The following NLRP7 variants were observed in gnomAD, a reference collection of about 807,000 sequenced individuals.
NLRP7 encodes NACHT, LRR and PYD domains-containing protein 7.
A neutral mutation model predicts 85.5 loss-of-function variants in NLRP7; 72 were observed. The observed-to-expected ratio is 0.84, with a 90% CI of 0.70 to 1.02. The LOEUF (loss-of-function observed/expected upper bound fraction) is 1.02. NLRP7 is among the 50% of genes least tolerant of loss of function. The probability of loss-of-function intolerance (pLI) is 0.00; values close to 1 mark genes in which losing one functional copy is unlikely to be tolerated. For missense variants in NLRP7, 1,243 were observed against 1,219.5 expected, an observed-to-expected ratio of 1.02 and a Z score of -0.29; for synonymous variants, 550 against 505.2, an observed-to-expected ratio of 1.09 and a Z score of -1.19.
At chr19:54,938,681 G>A (rs1415600468) in intron 4 of NLRP7, among the ~76,000 whole-genome samples, 4 of 152,224 alleles carry the variant, frequency 2.6e-5, no homozygotes, top group South Asian at 2.1e-4. Context: ...AGCCAAGATC[G>A]CGCCACTGCA....
Position 54,931,285 on chromosome 19 carries a change from G to A in NLRP7, c.2643-619C>T, listed in dbSNP as rs577870679. ...AAAAAATACAAAAATCGGGCCGGGC[G>A]CGGTGGCTCAAACCTGTAATCTCAG... On this transcript the variant is annotated intron_variant, in intron 8 of 9. Transcript: ENST00000340844. 6.6e-5 allele frequency among the ~76,000 whole-genome samples: 10 copies of A among 151,946 alleles called. No homozygotes were observed. The East Asian group carries it at 9.7e-4, about 15-fold the overall frequency.
Position 54,934,668 on chromosome 19 carries a change from A to G in NLRP7, c.2301-9T>C, listed in dbSNP as rs1175771931. On this transcript the variant is annotated splice_polypyrimidine_tract_variant and intron_variant, in intron 6 of 9. Coordinates refer to ENST00000340844, the Ensembl canonical transcript of NLRP7. The surrounding 1 kb of genome is among the most constrained non-coding windows in gnomAD (Gnocchi z 6.7). ...CACAGTGACCTCCCAACCTGTGAAA[A>G]GAGTGGGAAAAGTCATTCTTCTGGG... is the stretch of plus-strand genomic sequence containing the variant. 1.2e-6 allele frequency: 2 copies of G among 1,610,880 alleles called. No homozygotes were observed. The highest frequency in any genetic ancestry group is 4.5e-5 in the East Asian group (2 of 44,790).
At chr19:54,955,788 A>T (rs1234868135) in intron 1 of NLRP7, among the ~76,000 whole-genome samples, 1 of 152,056 alleles carries the variant, frequency 6.6e-6, no homozygotes, top group Admixed American at 6.6e-5. Flanking sequence ...CTGAGGTTGC[A>T]GTGAGCTGTG....
chr19:54,949,274 T>TAA (rs11414677), upstream of NLRP7, among the ~76,000 whole-genome samples: 17 of 132,000 alleles, frequency 1.3e-4, no homozygotes, highest in South Asian at 4.8e-4. Flanking sequence ...ACTCCATCTT[T>TAA]AAAAAAAAAA....
At chr19:54,931,386 A>G (rs1384564336) in intron 8 of NLRP7, among the ~76,000 whole-genome samples, 1 of 151,978 alleles carries the variant, frequency 6.6e-6, no homozygotes, top group East Asian at 1.9e-4. Flanking sequence ...GTGAAACCCC[A>G]TCTTTACTAA....
intron 1 of NLRP7, among the ~76,000 whole-genome samples, chr19:54,962,017 G>A (rs373148186): frequency 6.6e-6 from 1 of 150,444 alleles, no homozygotes; most frequent in Non-Finnish European, 1.5e-5. Context: ...TACAAAATTA[G>A]CCGGGCGTGG....
chr19:54,942,255 C>CAAAAAA (rs576434793), intron 1 of NLRP7, among the ~76,000 whole-genome samples: 2 of 59,438 alleles, frequency 3.4e-5, no homozygotes, highest in Admixed American at 2.6e-4. Flanking sequence ...GACTCCGTCT[C>CAAAAAA]AAAAAAAAAA....
intron 7 of NLRP7, 69 bp from the exon 8 acceptor site, chr19:54,933,808 TC>T: frequency 7.6e-7 from 1 of 1,313,162 alleles, no homozygotes; most frequent in Non-Finnish European, 1.1e-6. Context: ...CTCAGTGATG[TC>T]CACATGCTAG....
chr19:54,939,048 A>T, exon 4 of NLRP7: 1 of 1,614,190 alleles, frequency 6.2e-7, no homozygotes, highest in Non-Finnish European at 8.5e-7. Context: ...ATTTCCTTGA[A>T]CGGGGCCACC....
intron 1 of NLRP7, among the ~76,000 whole-genome samples, chr19:54,962,051 T>TACACAGGAGTCTGAGGCAGGAGAA (rs2070060020): frequency 6.9e-6 from 1 of 144,040 alleles, no homozygotes; most frequent in African/African-American, 2.6e-5. Flanking sequence ...TAATCCCAGC[T>TACACAGGAGTCTGAGGCAGGAGAA]ACACAGGAGT....
At chr19:54,931,038 A>G (rs2068655970) in intron 8 of NLRP7, among the ~76,000 whole-genome samples, 1 of 152,094 alleles carries the variant, frequency 6.6e-6, no homozygotes, top group Non-Finnish European at 1.5e-5. Context: ...AACAACAACA[A>G]CAACAAAAAG....
chr19:54,953,221 A>T (rs948624824), intron 1 of NLRP7: 12 of 152,210 alleles, frequency 7.9e-5, no homozygotes, highest in Admixed American at 5.9e-4. Flanking sequence ...CGAGTTAAAG[A>T]AGAAAGGGGT....
At chr19:54,952,535 A>C (rs536304976) in intron 1 of NLRP7, among the ~76,000 whole-genome samples, 1 of 151,758 alleles carries the variant, frequency 6.6e-6, no homozygotes, top group East Asian at 2.0e-4. Flanking sequence ...CGGAGGTTGC[A>C]GTGAGCAAAG....
In NLRP7 at chr19:54,947,463, A is replaced by C; in HGVS notation, c.-40+6T>G. 7.8e-7 allele frequency: 1 copy of C among 1,289,332 alleles called. No individual in the cohort carries two copies. Among genetic ancestry groups the C allele is most frequent in the African/African-American group, 1.5e-5 (1 of 65,936 alleles). 79.9% of individuals were successfully genotyped at this position (1,289,332 alleles called of 1,614,324 possible). A position where few individuals can be genotyped will look rare whatever the true frequency, so the allele number is the denominator to read the frequency against. On this transcript the variant is annotated splice_donor_region_variant and intron_variant, in intron 1 of 9. Transcript: ENST00000340844. ...CAAAGAAATCGATGCAAGAACCAGC[A>C]CTCACCTCCCTCAGGTCAGGTCTTG...
chr19:54,925,613 G>A (rs767615447), intron 9 of NLRP7, among the ~76,000 whole-genome samples: 10 of 152,006 alleles, frequency 6.6e-5, no homozygotes, highest in Non-Finnish European at 1.3e-4. Context: ...TGAGAACCTC[G>A]GCAACACGGC....
chr19:54,942,135 A>G lies in NLRP7; in HGVS notation c.-39-385T>C, dbSNP rs1469666454. On this transcript the variant is annotated intron_variant, in intron 1 of 9. Transcript: ENST00000340844. Reference sequence around the variant, plus strand: ...GCAGGGCGTGGTGGCGGGCACCTGTAGTCCCAGCTACTCGGGAGGCTGAGG... The same window carrying G: ...GCAGGGCGTGGTGGCGGGCACCTGTGGTCCCAGCTACTCGGGAGGCTGAGG... 2.6e-5 allele frequency among the ~76,000 whole-genome samples: 4 copies of G among 151,922 alleles called. No individual in the cohort carries two copies. In the East Asian group the frequency reaches 7.8e-4, roughly 30 times the overall value.
chr19:54,941,996 G>C (rs2069249044), intron 1 of NLRP7, among the ~76,000 whole-genome samples: 1 of 152,134 alleles, frequency 6.6e-6, no homozygotes. Flanking sequence ...GCTCACGCCT[G>C]TAATCCCAGC....
Position 54,938,936 on chromosome 19 carries a change from AC to A in NLRP7, c.1882del (p.Val628CysfsTer21). The A allele has an allele frequency of 1.2e-6, 2 of 1,614,050 alleles. No individual in the cohort carries two copies. Among genetic ancestry groups the A allele is most frequent in the Non-Finnish European group, 1.7e-6 (2 of 1,179,970 alleles). Reference sequence around the variant, plus strand: ...AAAATCCATGTAATTCTCCAGGAACACCCCCTTTGCTACCTGCAGTGAGAGT... The same window carrying A: ...AAAATCCATGTAATTCTCCAGGAACACCCCTTTGCTACCTGCAGTGAGAGT... On this transcript the variant is annotated frameshift_variant, in exon 4 of 10. Transcript: ENST00000340844. LOFTEE classifies it high-confidence loss of function.
intron 1 of NLRP7, among the ~76,000 whole-genome samples, chr19:54,962,493 A>C (rs1440028807): frequency 6.7e-6 from 1 of 149,878 alleles, no homozygotes; most frequent in Non-Finnish European, 1.5e-5. Context: ...CTGATCTCGA[A>C]CTCCTGACCT....
Sources: allele counts gnomAD v4.1 joint callset (sites outside exome capture counted in the v4.1 genomes callset), GRCh38; gene constraint gnomAD v4.1.1; non-coding constraint Gnocchi (gnomAD v3.1); transcripts MANE v1.5; gene names NCBI Gene and HGNC (gene_info 2026-07-23, HGNC 2026-07-21).